The following KAT6B variants were observed in gnomAD, a reference collection of about 807,000 sequenced individuals.
KAT6B encodes lysine acetyltransferase 6B.
KAT6B carries 10 observed loss-of-function variants against 187.5 expected under a neutral mutation model. The observed-to-expected ratio is 0.05, with a 90% CI of 0.03 to 0.09. The LOEUF is 0.09. Among genes scored for constraint, KAT6B ranks in the 10% least tolerant of loss-of-function variants. The probability of loss-of-function intolerance (pLI) is 1.00; values close to 1 mark genes in which losing one functional copy is unlikely to be tolerated. For synonymous variants in KAT6B, 861 were observed against 926.8 expected (o/e 0.93, Z 1.29); for missense variants, 1,952 against 2,558.9 (o/e 0.76, Z 5.12).
chr10:74,896,150 T>C (rs1845973004), intron 3 of KAT6B, among the ~76,000 whole-genome samples: 1 of 152,166 alleles, frequency 6.6e-6, no homozygotes, highest in Non-Finnish European at 1.5e-5. Context: ...TCTGAAAGTA[T>C]TGTGAGGACT....
At chr10:74,947,393 C>A (rs184761888) in intron 3 of KAT6B, among the ~76,000 whole-genome samples, 1 of 152,172 alleles carries the variant, frequency 6.6e-6, no homozygotes, top group Non-Finnish European at 1.5e-5. Flanking sequence ...CCCCCATAAC[C>A]GTGTGCTGTT....
chr10:75,000,357 A>G lies in KAT6B; in HGVS notation c.2629+11245A>G, dbSNP rs186618585. On this transcript the variant is annotated intron_variant, in intron 13 of 17. Transcript: ENST00000287239. ...GGAAAAAATCGAGGGGAAAACAAAAAGCAACATCCAGGCAGGTGGTTTATT... is the reference window on the plus strand; with the variant it reads ...GGAAAAAATCGAGGGGAAAACAAAAGGCAACATCCAGGCAGGTGGTTTATT... Among the ~76,000 whole-genome samples, 272 of 152,258 alleles carry G rather than the reference A, an allele frequency of 1.8e-3. 7 individuals are homozygous for G. The highest frequency in any genetic ancestry group is 6.3e-3 in the African/African-American group (263 of 41,520).
intron 3 of KAT6B, among the ~76,000 whole-genome samples, chr10:74,929,414 G>C (rs1305365252): frequency 6.6e-6 from 1 of 152,074 alleles, no homozygotes; most frequent in Non-Finnish European, 1.5e-5. Flanking sequence ...ATTTTTCAGT[G>C]AACATAAAGT....
intron 13 of KAT6B, among the ~76,000 whole-genome samples, chr10:75,009,339 C>T (rs1844434282): frequency 6.6e-6 from 1 of 152,080 alleles, no homozygotes; most frequent in African/African-American, 2.4e-5. Context: ...CTGTATACAA[C>T]CTAAATAGAA....
intron 3 of KAT6B, among the ~76,000 whole-genome samples, chr10:74,872,918 T>G (rs1039994862): frequency 1.3e-5 from 2 of 152,054 alleles, no homozygotes; most frequent in Admixed American, 6.6e-5. Flanking sequence ...ACTGGCAAAT[T>G]TGGAATATGT....
chr10:74,870,946 C>T (rs1219899808), intron 3 of KAT6B, among the ~76,000 whole-genome samples: 5 of 146,660 alleles, frequency 3.4e-5, no homozygotes, highest in South Asian at 2.2e-4. Context: ...GGCACGATCT[C>T]GGCTCACTGC....
chr10:74,912,796 G>A (rs1301281358), intron 3 of KAT6B, among the ~76,000 whole-genome samples: 1 of 152,132 alleles, frequency 6.6e-6, no homozygotes, highest in Non-Finnish European at 1.5e-5. Context: ...CTATAGTCAA[G>A]CTAATGACCC....
intron 3 of KAT6B, among the ~76,000 whole-genome samples, chr10:74,932,737 AGGAT>A (rs1848975367): frequency 6.6e-6 from 1 of 152,146 alleles, no homozygotes; most frequent in Non-Finnish European, 1.5e-5. Context: ...CACCTGAATG[AGGAT>A]GGTATATTTA....
chr10:74,900,637 G>C (rs559153537), intron 3 of KAT6B, among the ~76,000 whole-genome samples: 5 of 152,346 alleles, frequency 3.3e-5, no homozygotes, highest in African/African-American at 1.2e-4. Context: ...AACTGGCTAG[G>C]GGGTGAGGGC....
intron 3 of KAT6B, among the ~76,000 whole-genome samples, chr10:74,958,775 C>T (rs1564588507): frequency 6.6e-6 from 1 of 152,044 alleles, no homozygotes; most frequent in Non-Finnish European, 1.5e-5. Context: ...CTCGGTGGCT[C>T]ACGCCTGTAA....
At position 74,969,718 on chromosome 10, in the gene KAT6B, G is replaced by A; in HGVS notation, c.789G>A (p.Arg263=). The change falls in exon 5 of 18, where the codon AGG becomes AGA. Residue 263 remains arginine, a synonymous_variant. Coordinates refer to ENST00000287239, the MANE Select transcript of KAT6B (RefSeq NM_012330.4). ...PELTTNVKAL[R]WQCIECKTCS... is the part of the protein sequence containing the mutation. ...TAACAACAAATGTAAAGGCCTTAAG[G>A]TGGCAGTGCATCGAATGCAAGACAT... The A allele has an allele frequency of 6.2e-7, 1 of 1,614,130 alleles. No individual in the cohort carries two copies. The highest frequency in any genetic ancestry group is 8.5e-7 in the Non-Finnish European group (1 of 1,179,970).
At chr10:74,922,672 G>A (rs117464421) in intron 3 of KAT6B, among the ~76,000 whole-genome samples, 2,663 of 152,242 alleles carry the variant, frequency 0.017, 35 homozygotes, top group Non-Finnish European at 0.027. Context: ...TGTGACTTCA[G>A]TTTTTAACTT....
At chr10:75,018,619 T>G (rs1192029298) in intron 13 of KAT6B, among the ~76,000 whole-genome samples, 2 of 152,118 alleles carry the variant, frequency 1.3e-5, no homozygotes, top group African/African-American at 4.8e-5. Context: ...GGAACACATG[T>G]GCTTCTGGGT....
chr10:74,835,920 A>C (rs886215325), intron 1 of KAT6B, among the ~76,000 whole-genome samples: 1 of 152,224 alleles, frequency 6.6e-6, no homozygotes, highest in Admixed American at 6.5e-5. Flanking sequence ...CACTGCCACT[A>C]TCAAGTTCCA....
At chr10:74,844,097 C>T (rs1010766681) in intron 3 of KAT6B, among the ~76,000 whole-genome samples, 1 of 152,212 alleles carries the variant, frequency 6.6e-6, no homozygotes, top group African/African-American at 2.4e-5. Context: ...TGGTCTCAAG[C>T]TCCTGACCTC....
intron 3 of KAT6B, among the ~76,000 whole-genome samples, chr10:74,926,895 T>C (rs1438814352): frequency 6.6e-6 from 1 of 152,228 alleles, no homozygotes; most frequent in African/African-American, 2.4e-5. Flanking sequence ...CAGCTCTGTG[T>C]CAATCCTTCA....
At chr10:74,971,131 C>G (rs969044666) in intron 6 of KAT6B, among the ~76,000 whole-genome samples, 2 of 152,298 alleles carry the variant, frequency 1.3e-5, no homozygotes, top group East Asian at 3.9e-4. Flanking sequence ...TAGGTCCTTC[C>G]TGGAGGTATT....
intron 13 of KAT6B, among the ~76,000 whole-genome samples, chr10:75,017,025 G>A (rs1845026147): frequency 2.0e-5 from 3 of 151,934 alleles, no homozygotes; most frequent in South Asian, 2.1e-4. Context: ...CACCATGCCC[G>A]GCTAGTTTTG....
At chr10:74,838,789 A>C (rs1035617940) in intron 2 of KAT6B, 37 bp downstream of exon 2, 2 of 152,242 alleles carry the variant, frequency 1.3e-5, no homozygotes, top group Admixed American at 1.3e-4. Flanking sequence ...TTAAGGTATA[A>C]AATGACAATC....
Sources: allele counts gnomAD v4.1 joint callset (sites outside exome capture counted in the v4.1 genomes callset), GRCh38; gene constraint gnomAD v4.1.1; transcripts MANE v1.5; gene names NCBI Gene and HGNC (gene_info 2026-07-23, HGNC 2026-07-21).